The following HYAL4 variants were observed in gnomAD, a reference collection of about 807,000 sequenced individuals.
HYAL4 encodes the protein hyaluronidase 4.
HYAL4 carries 37 observed loss-of-function variants against 35.2 expected under a neutral mutation model. The observed-to-expected ratio is 1.05, with a 90% confidence interval of 0.81 to 1.38. HYAL4 has a LOEUF of 1.38. Ranked by LOEUF, HYAL4 falls within the 40% of genes most tolerant of loss-of-function variation. The pLI is 0.00. For synonymous variants in HYAL4, 198 were observed against 203.2 expected (o/e 0.97, Z 0.22); for missense variants, 572 against 572.4 (o/e 1.00, Z 0.01).
chr7:123,843,810 G>A (rs376677455), upstream of HYAL4, among the ~76,000 whole-genome samples: 15 of 151,778 alleles, frequency 9.9e-5, no homozygotes, highest in East Asian at 7.8e-4. Flanking sequence ...TTGTGCATCC[G>A]TCATGAAGTT....
At chr7:123,802,795 G>T in the HYAL4 span, among the ~76,000 whole-genome samples, 3 of 152,100 alleles carry the variant, frequency 2.0e-5, no homozygotes, top group African/African-American at 7.2e-5. Flanking sequence ...ATTTTAAAAA[G>T]ATGTAGTACC....
chr7:123,842,130 A>T (rs1159457861), upstream of HYAL4, among the ~76,000 whole-genome samples: 1 of 152,018 alleles, frequency 6.6e-6, no homozygotes, highest in Non-Finnish European at 1.5e-5. Context: ...TGTTGTGGGC[A>T]TTTAGTGCTA....
the HYAL4 span, among the ~76,000 whole-genome samples, chr7:123,803,505 T>C: frequency 2.0e-5 from 3 of 152,236 alleles, no homozygotes; most frequent in African/African-American, 7.2e-5. Flanking sequence ...TTTGTGTTCC[T>C]TATCTTTAGG....
At chr7:123,830,252 T>C (rs550753889) in intron 1 of HYAL4, among the ~76,000 whole-genome samples, 3 of 152,344 alleles carry the variant, frequency 2.0e-5, no homozygotes, top group African/African-American at 7.2e-5. Context: ...TTATGTCTTA[T>C]GCTGAGATGA....
chr7:123,868,219 A>G lies in HYAL4; in HGVS notation c.-51-4A>G. On this transcript the variant is annotated splice_polypyrimidine_tract_variant and splice_region_variant and intron_variant, in intron 2 of 4. Coordinates refer to ENST00000223026, the MANE Select transcript of HYAL4 (RefSeq NM_012269.3). ...GACTAACAGAAAATTAAATCTCTCC[A>G]CAGGTCTTCTAGAGTGCACTAAAGC... The G allele has an allele frequency of 1.1e-6, 1 of 898,766 alleles. No individual in the cohort carries two copies. The highest frequency in any genetic ancestry group is 1.6e-6 in the Non-Finnish European group (1 of 610,698). The allele number at this position is 898,766 out of a possible 1,614,324, so 55.7% of individuals were successfully genotyped here. A position where few individuals can be genotyped will look rare whatever the true frequency, so the allele number is the denominator to read the frequency against.
the HYAL4 span, among the ~76,000 whole-genome samples, chr7:123,768,236 T>A: frequency 2.6e-5 from 4 of 152,278 alleles, no homozygotes; most frequent in African/African-American, 9.6e-5. Context: ...TAAAAATAAA[T>A]AACATTTACA....
intron 2 of HYAL4, among the ~76,000 whole-genome samples, chr7:123,860,883 T>C (rs576793811): frequency 1.9e-4 from 29 of 152,312 alleles, no homozygotes; most frequent in African/African-American, 7.0e-4. Flanking sequence ...CTTATCCTGC[T>C]AAAATATATA....
At chr7:123,771,551 T>G in the HYAL4 span, among the ~76,000 whole-genome samples, 1 of 152,158 alleles carries the variant, frequency 6.6e-6, no homozygotes, top group Non-Finnish European at 1.5e-5. Flanking sequence ...ACCTTATATA[T>G]TTTTTCCATA....
intron 2 of HYAL4, among the ~76,000 whole-genome samples, chr7:123,856,384 G>T (rs1373437183): frequency 1.3e-5 from 2 of 152,056 alleles, no homozygotes; most frequent in Admixed American, 1.3e-4. Context: ...TTTTGCATGG[G>T]TGTCCTTTTT....
chr7:123,843,642 C>T (rs985080037), upstream of HYAL4, among the ~76,000 whole-genome samples: 3 of 152,000 alleles, frequency 2.0e-5, no homozygotes, highest in Non-Finnish European at 2.9e-5. Context: ...ACCAATCAAA[C>T]ATACATTTGG....
chr7:123,804,440 A>C, the HYAL4 span, among the ~76,000 whole-genome samples: 70 of 152,320 alleles, frequency 4.6e-4, no homozygotes, highest in South Asian at 1.9e-3. Context: ...CACAGGAAAA[A>C]TATTACTTTT....
At chr7:123,838,330 A>T (rs566907816) in intron 1 of HYAL4, among the ~76,000 whole-genome samples, 7 of 151,938 alleles carry the variant, frequency 4.6e-5, no homozygotes, top group African/African-American at 1.7e-4. Flanking sequence ...GGCATGAAAC[A>T]GGCCATGTCA....
chr7:123,829,838 T>A (rs764513859), intron 1 of HYAL4, among the ~76,000 whole-genome samples: 11 of 152,036 alleles, frequency 7.2e-5, no homozygotes, highest in East Asian at 3.9e-4. Context: ...CTCAAAAAAA[T>A]TTTTTTAAAG....
chr7:123,787,899 A>T, the HYAL4 span, among the ~76,000 whole-genome samples: 1 of 152,172 alleles, frequency 6.6e-6, no homozygotes, highest in Non-Finnish European at 1.5e-5. Flanking sequence ...AACAAACACA[A>T]CTTACCAGTT....
the HYAL4 span, among the ~76,000 whole-genome samples, chr7:123,821,937 C>G: frequency 6.6e-6 from 1 of 152,160 alleles, no homozygotes; most frequent in African/African-American, 2.4e-5. Context: ...GCACTCTTGT[C>G]AAACATCAGT....
upstream of HYAL4, among the ~76,000 whole-genome samples, chr7:123,828,523 A>G (rs1805834209): frequency 6.6e-6 from 1 of 151,996 alleles, no homozygotes; most frequent in Admixed American, 6.6e-5. Flanking sequence ...CTTCAGAGGT[A>G]GGGAGAAGAA....
At chr7:123,769,809 TGAAA>T in the HYAL4 span, among the ~76,000 whole-genome samples, 1 of 142,388 alleles carries the variant, frequency 7.0e-6, no homozygotes, top group Non-Finnish European at 1.5e-5. Context: ...AATCTGTAAG[TGAAA>T]GAGACTTGAA....
chr7:123,775,756 G>A, the HYAL4 span, among the ~76,000 whole-genome samples: 1 of 152,114 alleles, frequency 6.6e-6, no homozygotes, highest in African/African-American at 2.4e-5. Flanking sequence ...GTCATCTTTA[G>A]ATGACAGACC....
chr7:123,812,583 T>G, the HYAL4 span, among the ~76,000 whole-genome samples: 6 of 152,170 alleles, frequency 3.9e-5, no homozygotes, highest in Non-Finnish European at 8.8e-5. Context: ...TGTAACAGTA[T>G]TTTACTAAAG....
Sources: allele counts gnomAD v4.1 joint callset (sites outside exome capture counted in the v4.1 genomes callset), GRCh38; gene constraint gnomAD v4.1.1; transcripts MANE v1.5; gene names NCBI Gene and HGNC (gene_info 2026-07-23, HGNC 2026-07-21).